SNTG2: variants seen among roughly 807,000 people sequenced by gnomAD.
SNTG2 encodes the protein gamma-2-syntrophin.
A neutral mutation model predicts 70.9 loss-of-function variants in SNTG2; 74 were observed. The ratio of observed to expected loss-of-function variants is 1.04; its 90% CI spans 0.86 to 1.27. The LOEUF (loss-of-function observed/expected upper bound fraction) is 1.27, where lower values mean the gene tolerates loss of function less well. Ranked by LOEUF, SNTG2 falls within the 50% of genes most tolerant of loss-of-function variation. The pLI is 0.00. For missense variants in SNTG2, 717 were observed against 690.7 expected (o/e 1.04, Z -0.43); for synonymous variants, 278 against 273.8 (o/e 1.02, Z -0.15).
chr2:956,353 G>A (rs1048204470), intron 1 of SNTG2, among the ~76,000 whole-genome samples: 5 of 152,168 alleles, frequency 3.3e-5, no homozygotes, highest in African/African-American at 4.8e-5. Context: ...AGCTCAGTCC[G>A]GAGCAGGGTT....
chr2:1,002,021 C>A (rs1659410909), intron 1 of SNTG2, among the ~76,000 whole-genome samples: 1 of 152,052 alleles, frequency 6.6e-6, no homozygotes, highest in South Asian at 2.1e-4. Context: ...TGTAAGGATA[C>A]CCTATCCAAA....
At chr2:1,262,788 T>G (rs72770624) in intron 13 of SNTG2, 1 of 103,176 alleles carries the variant, frequency 9.7e-6, no homozygotes, top group Non-Finnish European at 1.9e-5. Flanking sequence ...GCAGACGAGG[T>G]AACCGGAAGG....
chr2:1,266,010 A>G (rs1678710867), intron 13 of SNTG2, among the ~76,000 whole-genome samples: 1 of 152,114 alleles, frequency 6.6e-6, no homozygotes, highest in African/African-American at 2.4e-5. Context: ...GGACCAGTAA[A>G]TGAATGGGTG....
chr2:1,267,804 A>C (rs907933325), intron 14 of SNTG2, among the ~76,000 whole-genome samples: 2 of 152,208 alleles, frequency 1.3e-5, no homozygotes, highest in African/African-American at 4.8e-5. Flanking sequence ...CTGTGTCTAC[A>C]TTGAATGTGA....
chr2:1,318,763 C>A (rs889431862), intron 16 of SNTG2, among the ~76,000 whole-genome samples: 2 of 151,980 alleles, frequency 1.3e-5, no homozygotes, highest in Non-Finnish European at 2.9e-5. Flanking sequence ...AGCTGTTTGC[C>A]TTGGGCGCCA....
At chr2:1,308,367 C>A in intron 14 of SNTG2, 127 bp from the exon 15 acceptor site, 2 of 792,730 alleles carry the variant, frequency 2.5e-6, no homozygotes, top group East Asian at 2.7e-5. Flanking sequence ...CTGTTTTGTT[C>A]CCCGTAACTT....
chr2:1,157,458 C>G (rs1458007352), intron 6 of SNTG2, among the ~76,000 whole-genome samples: 2 of 152,194 alleles, frequency 1.3e-5, no homozygotes, highest in Non-Finnish European at 2.9e-5. Flanking sequence ...GGATGCCAGA[C>G]AGGAGGGACG....
At chr2:1,267,315 G>A in intron 13 of SNTG2, 50 bp from the exon 14 acceptor site, 1 of 1,522,048 alleles carries the variant, frequency 6.6e-7, no homozygotes, top group East Asian at 2.4e-5. Flanking sequence ...CCTCAGCATG[G>A]GAATGACCTT....
At chr2:964,919 G>C (rs1660475451) in intron 1 of SNTG2, among the ~76,000 whole-genome samples, 2 of 152,100 alleles carry the variant, frequency 1.3e-5, no homozygotes, top group African/African-American at 4.8e-5. Flanking sequence ...AGCCCCCTCT[G>C]TCCTGTTGGC....
chr2:1,339,298 T>C (rs1659969360), intron 16 of SNTG2, among the ~76,000 whole-genome samples: 1 of 152,246 alleles, frequency 6.6e-6, no homozygotes, highest in Admixed American at 6.5e-5. Context: ...AAATATTTTC[T>C]TCCATTCTGT....
intron 9 of SNTG2, among the ~76,000 whole-genome samples, chr2:1,225,380 T>G (rs1675700967): frequency 6.6e-6 from 1 of 152,170 alleles, no homozygotes; most frequent in Non-Finnish European, 1.5e-5. Flanking sequence ...TATTAAATAT[T>G]TAAAGACGTA....
At chr2:1,193,620 A>G (rs918697818) in intron 8 of SNTG2, among the ~76,000 whole-genome samples, 1 of 152,056 alleles carries the variant, frequency 6.6e-6, no homozygotes, top group Non-Finnish European at 1.5e-5. Context: ...AAACATTTTT[A>G]TGTGTTACAT....
intron 16 of SNTG2, among the ~76,000 whole-genome samples, chr2:1,329,764 A>G (rs1171872979): frequency 1.3e-5 from 2 of 152,104 alleles, no homozygotes; most frequent in Non-Finnish European, 2.9e-5. Flanking sequence ...CGTGTGGGGG[A>G]GGCCTTTGAC....
intron 1 of SNTG2, among the ~76,000 whole-genome samples, chr2:1,016,217 C>T (rs1407191395): frequency 6.6e-6 from 1 of 151,924 alleles, no homozygotes; most frequent in Non-Finnish European, 1.5e-5. Context: ...TCCCATGTTT[C>T]ATTAATTTGC....
At chr2:1,122,525 A>G (rs552430741) in intron 4 of SNTG2, among the ~76,000 whole-genome samples, 2 of 152,134 alleles carry the variant, frequency 1.3e-5, no homozygotes, top group Non-Finnish European at 2.9e-5. Flanking sequence ...AAAGCCCAAT[A>G]TCTATGATAA....
intron 8 of SNTG2, among the ~76,000 whole-genome samples, chr2:1,187,826 A>G (rs543642029): frequency 6.6e-6 from 1 of 152,368 alleles, no homozygotes; most frequent in Admixed American, 6.5e-5. Flanking sequence ...GTAGGAAAGA[A>G]AAATAACTGT....
intron 16 of SNTG2, among the ~76,000 whole-genome samples, chr2:1,335,041 A>G (rs1049419335): frequency 1.3e-5 from 2 of 152,238 alleles, no homozygotes; most frequent in African/African-American, 4.8e-5. Context: ...CTTCTTGATT[A>G]TAATCTTATC....
intron 15 of SNTG2, among the ~76,000 whole-genome samples, chr2:1,312,424 G>C (rs1401313084): frequency 2.0e-5 from 3 of 152,188 alleles, no homozygotes; most frequent in Non-Finnish European, 4.4e-5. Context: ...AAGTGGGAGA[G>C]GACATCGACA....
intron 16 of SNTG2, among the ~76,000 whole-genome samples, chr2:1,364,527 C>A (rs1661370839): frequency 6.6e-6 from 1 of 151,408 alleles, no homozygotes; most frequent in Non-Finnish European, 1.5e-5. Context: ...GAGGCCGGTG[C>A]TGGCAGATCA....
Sources: gnomAD v4.1 joint callset for allele counts (sites outside exome capture counted in the v4.1 genomes callset) on GRCh38, gnomAD v4.1.1 for gene constraint, MANE v1.5 for transcripts, NCBI Gene and HGNC (gene_info 2026-07-23, HGNC 2026-07-21) for gene names.